The following RAB3IP variants were observed in gnomAD, a reference collection of about 807,000 sequenced individuals.
RAB3IP encodes the protein rab-3A-interacting protein.
A neutral mutation model predicts 59.1 loss-of-function variants in RAB3IP; 36 were observed. The observed-to-expected ratio is 0.61, with a 90% CI of 0.47 to 0.80. The LOEUF is 0.80. Ranked by LOEUF, RAB3IP falls within the 30% of genes least tolerant of loss-of-function variation. RAB3IP has a pLI of 0.00. For synonymous variants in RAB3IP, 207 were observed against 191.2 expected (o/e 1.08, Z -0.68); for missense variants, 511 against 536.0 (o/e 0.95, Z 0.46).
intron 8 of RAB3IP, among the ~76,000 whole-genome samples, chr12:69,804,636 A>G (rs1461211089): frequency 6.6e-6 from 1 of 152,194 alleles, no homozygotes; most frequent in Non-Finnish European, 1.5e-5. Context: ...TAGGTCTAAC[A>G]TTTAAGTCTT....
chr12:69,800,253 G>A lies in RAB3IP; in HGVS notation c.933G>A (p.Glu311=). ...ATGAATTCCGATTGTGGAAGGATGAGCCCACAATGGACAGGACGTGTCCTT... is the reference window on the plus strand; with the variant it reads ...ATGAATTCCGATTGTGGAAGGATGAACCCACAATGGACAGGACGTGTCCTT... ...LYNEFRLWKD[E]PTMDRTCPFL... Residue 311 remains glutamate, a synonymous_variant, in exon 7 of 11, where the codon GAG becomes GAA. Transcript: ENST00000247833. The A allele has an allele frequency of 1.3e-6, 2 of 1,588,552 alleles. No individual in the cohort carries two copies. The highest frequency in any genetic ancestry group is 1.7e-6 in the Non-Finnish European group (2 of 1,168,650).
chr12:69,822,730 T>A lies in RAB3IP; in HGVS notation c.*7284T>A, dbSNP rs1239863547. The A allele has an allele frequency of 6.6e-6, 1 of 152,214 alleles. No individual in the cohort carries two copies. Among genetic ancestry groups the A allele is most frequent in the Non-Finnish European group, 1.5e-5 (1 of 68,036 alleles). 9.4% of individuals were successfully genotyped at this position (152,214 alleles called of 1,614,324 possible). On this transcript the variant is annotated 3_prime_UTR_variant, in exon 11 of 11. Transcript: ENST00000247833. The stretch of plus-strand genomic sequence containing the variant: ...GAGGTGATGGATACCCCAATTACCC[T>A]GATTTGATCATTATACGTTGTATGT...
intron 6 of RAB3IP, among the ~76,000 whole-genome samples, chr12:69,797,056 C>G (rs751063238): frequency 6.6e-6 from 1 of 152,110 alleles, no homozygotes; most frequent in Non-Finnish European, 1.5e-5. Flanking sequence ...ATAAATTTGA[C>G]CTGTGTAAGT....
At chr12:69,767,281 G>A (rs1872365990) in intron 3 of RAB3IP, among the ~76,000 whole-genome samples, 1 of 152,026 alleles carries the variant, frequency 6.6e-6, no homozygotes, top group South Asian at 2.1e-4. Flanking sequence ...TTTTATATTG[G>A]GCTGTGCATT....
chr12:69,812,552 A>C (rs1292365970), intron 8 of RAB3IP: 3 of 429,354 alleles, frequency 7.0e-6, no homozygotes, highest in African/African-American at 6.1e-5. Context: ...TTCTAGAATC[A>C]TGGTTAATGT....
chr12:69,786,412 T>C (rs887435190), intron 4 of RAB3IP, among the ~76,000 whole-genome samples: 3 of 152,192 alleles, frequency 2.0e-5, no homozygotes, highest in Non-Finnish European at 4.4e-5. Context: ...TGTTTATTTA[T>C]TTAGCTAGCT....
At chr12:69,765,665 C>T (rs898408272) in intron 3 of RAB3IP, among the ~76,000 whole-genome samples, 5 of 152,180 alleles carry the variant, frequency 3.3e-5, no homozygotes, top group Non-Finnish European at 7.3e-5. Flanking sequence ...AGCCTCTGCA[C>T]AGGAGGAGTG....
At chr12:69,811,959 G>C (rs1463884543) in intron 8 of RAB3IP, 1 of 152,200 alleles carries the variant, frequency 6.6e-6, no homozygotes, top group East Asian at 1.9e-4. Flanking sequence ...GGGAGTGATA[G>C]TTGTATTGAG....
At chr12:69,753,568 C>T (rs112502314) in intron 1 of RAB3IP, among the ~76,000 whole-genome samples, 136 of 152,074 alleles carry the variant, frequency 8.9e-4, no homozygotes, top group East Asian at 4.8e-3. Flanking sequence ...AGGCTGGTCT[C>T]GAACTTCTGA....
At chr12:69,739,789 G>C in intron 1 of RAB3IP, 1 of 1,608,750 alleles carries the variant, frequency 6.2e-7, no homozygotes, top group Non-Finnish European at 8.5e-7. Flanking sequence ...GAGCTTACTG[G>C]CTCCAGAAGT....
chr12:69,739,556 G>A, intron 1 of RAB3IP: 1 of 498,564 alleles, frequency 2.0e-6, no homozygotes, highest in South Asian at 2.3e-5. Context: ...CCAGTCTTAG[G>A]AAACTACGCG....
intron 3 of RAB3IP, among the ~76,000 whole-genome samples, chr12:69,759,833 G>A (rs573801059): frequency 1.3e-3 from 200 of 149,392 alleles, no homozygotes; most frequent in African/African-American, 4.5e-3. Context: ...GCTGCCGGGC[G>A]GAGGGGCTCC....
At chr12:69,787,208 AG>A (rs1222270756) in intron 4 of RAB3IP, among the ~76,000 whole-genome samples, 1 of 152,190 alleles carries the variant, frequency 6.6e-6, no homozygotes, top group Non-Finnish European at 1.5e-5. Context: ...CTTTGTATGT[AG>A]CAAAGTTGAG....
chr12:69,745,339 T>G (rs1371466410), intron 1 of RAB3IP, among the ~76,000 whole-genome samples: 1 of 152,112 alleles, frequency 6.6e-6, no homozygotes, highest in Non-Finnish European at 1.5e-5. Flanking sequence ...ACTAATTCCT[T>G]GGTATAAAAT....
At chr12:69,785,843 G>A (rs1172768384) in intron 4 of RAB3IP, among the ~76,000 whole-genome samples, 3 of 152,096 alleles carry the variant, frequency 2.0e-5, no homozygotes, top group African/African-American at 7.2e-5. Context: ...TAATACCCCC[G>A]GTCATTTTGA....
chr12:69,749,734 G>A (rs1451089642), intron 1 of RAB3IP, among the ~76,000 whole-genome samples: 7 of 151,868 alleles, frequency 4.6e-5, no homozygotes, highest in South Asian at 2.1e-4. Context: ...TTATTTTTTC[G>A]GGAATCCTTT....
At chr12:69,761,704 A>G (rs1871334207) in intron 3 of RAB3IP, among the ~76,000 whole-genome samples, 2 of 152,232 alleles carry the variant, frequency 1.3e-5, no homozygotes, top group Admixed American at 6.5e-5. Flanking sequence ...GATTAAATGA[A>G]TATATACATG....
chr12:69,786,391 T>A (rs2136209053), intron 4 of RAB3IP, among the ~76,000 whole-genome samples: 1 of 152,306 alleles, frequency 6.6e-6, no homozygotes, highest in East Asian at 1.9e-4. Context: ...ATGAACATTT[T>A]AAAATTAATC....
intron 1 of RAB3IP, among the ~76,000 whole-genome samples, chr12:69,748,325 G>A (rs1343081689): frequency 6.6e-6 from 1 of 151,976 alleles, no homozygotes; most frequent in Admixed American, 6.5e-5. Flanking sequence ...TTGTTTTCAA[G>A]AAACATTTTA....
Sources: allele counts gnomAD v4.1 joint callset (sites outside exome capture counted in the v4.1 genomes callset), GRCh38; gene constraint gnomAD v4.1.1; transcripts MANE v1.5; gene names NCBI Gene and HGNC (gene_info 2026-07-23, HGNC 2026-07-21).